FBXL7: variants seen among roughly 807,000 people sequenced by gnomAD.
FBXL7 encodes F-box and leucine rich repeat protein 7.
In FBXL7, 12 loss-of-function variants were observed where a neutral mutation model predicts 38.3. The ratio of observed to expected loss-of-function variants is 0.31; its 90% CI spans 0.20 to 0.51. The LOEUF (loss-of-function observed/expected upper bound fraction) is 0.51, where lower values mean the gene tolerates loss of function less well. Ranked by LOEUF, FBXL7 falls within the 20% of genes least tolerant of loss-of-function variation. The pLI is 0.98. For synonymous variants in FBXL7, 297 were observed against 300.9 expected, an observed-to-expected ratio of 0.99 and a Z score of 0.13; for missense variants, 567 against 676.4, an observed-to-expected ratio of 0.84 and a Z score of 1.79.
intron 2 of FBXL7, among the ~76,000 whole-genome samples, chr5:15,859,744 G>A (rs1442282333): frequency 1.3e-5 from 2 of 152,030 alleles, no homozygotes; most frequent in African/African-American, 2.4e-5. Context: ...TAGGGATTAC[G>A]GGAACAACAG....
chr5:15,850,750 T>G (rs1185401670), intron 2 of FBXL7, among the ~76,000 whole-genome samples: 4 of 152,220 alleles, frequency 2.6e-5, no homozygotes, highest in Non-Finnish European at 4.4e-5. Flanking sequence ...ACTTGAAATC[T>G]GAATGTCACT....
intron 1 of FBXL7, among the ~76,000 whole-genome samples, chr5:15,604,918 A>T (rs148363959): frequency 0.01 from 1,578 of 152,140 alleles, 35 homozygotes; most frequent in African/African-American, 0.036. Flanking sequence ...GCTGTTGAAG[A>T]GGGGCGCTTT....
At chr5:15,578,516 CA>C (rs1177968876) in intron 1 of FBXL7, among the ~76,000 whole-genome samples, 1 of 152,136 alleles carries the variant, frequency 6.6e-6, no homozygotes, top group Non-Finnish European at 1.5e-5. Context: ...AGTCTCAACA[CA>C]CTAACCCATA....
intron 2 of FBXL7, among the ~76,000 whole-genome samples, chr5:15,775,837 T>C (rs1736843965): frequency 6.6e-6 from 1 of 152,184 alleles, no homozygotes; most frequent in Non-Finnish European, 1.5e-5. Flanking sequence ...ATCCTGATTA[T>C]TCTCCTGCAC....
intron 2 of FBXL7, among the ~76,000 whole-genome samples, chr5:15,778,901 G>A (rs985232520): frequency 6.6e-6 from 1 of 152,106 alleles, no homozygotes; most frequent in Non-Finnish European, 1.5e-5. Context: ...TAATAGCAGA[G>A]CACCTTCTCT....
intron 2 of FBXL7, among the ~76,000 whole-genome samples, chr5:15,697,739 T>C (rs1193419556): frequency 1.3e-5 from 2 of 152,214 alleles, no homozygotes; most frequent in Non-Finnish European, 2.9e-5. Flanking sequence ...AAAATTTGTC[T>C]GAAAAGCAAA....
chr5:15,747,170 A>C (rs1736037977), intron 2 of FBXL7, among the ~76,000 whole-genome samples: 1 of 152,222 alleles, frequency 6.6e-6, no homozygotes, highest in South Asian at 2.1e-4. Context: ...AAGATGTTTC[A>C]AGAAAAACGA....
At chr5:15,561,664 A>T (rs1738419400) in intron 1 of FBXL7, among the ~76,000 whole-genome samples, 4 of 151,936 alleles carry the variant, frequency 2.6e-5, no homozygotes, top group Admixed American at 1.3e-4. Context: ...GGCTGCACCA[A>T]TCTGTATTCC....
chr5:15,668,444 CA>C (rs1742357097), intron 2 of FBXL7, among the ~76,000 whole-genome samples: 2 of 149,902 alleles, frequency 1.3e-5, no homozygotes, highest in Admixed American at 1.3e-4. Context: ...ATAAAGAATA[CA>C]TTTCCTAGAA....
chr5:15,933,876 C>G (rs150234693), intron 3 of FBXL7, among the ~76,000 whole-genome samples: 2 of 151,672 alleles, frequency 1.3e-5, no homozygotes, highest in Non-Finnish European at 1.5e-5. Flanking sequence ...TAGAACTGCC[C>G]GAGAGATTTG....
At chr5:15,563,552 G>C (rs571843845) in intron 1 of FBXL7, among the ~76,000 whole-genome samples, 2 of 152,148 alleles carry the variant, frequency 1.3e-5, no homozygotes, top group Non-Finnish European at 1.5e-5. Flanking sequence ...TCTCCTGTTT[G>C]AAACAATCCT....
At position 15,928,652 on chromosome 5, in the gene FBXL7, C is replaced by T. The variant is rs1399567918; in HGVS notation, c.739+151C>T. Among the ~76,000 whole-genome samples the T allele has an allele frequency of 6.6e-6, 1 of 152,094 alleles. No individual in the cohort carries two copies. Among genetic ancestry groups the T allele is most frequent in the Non-Finnish European group, 1.5e-5 (1 of 68,026 alleles). ...AGGCTGGCTTTTGCAGAGAAACTGT[C>T]TCTATGGAATCATGACCCTGGAGGC... On this transcript the variant is annotated intron_variant, in intron 3 of 3. Coordinates refer to ENST00000504595, the MANE Select transcript of FBXL7 (RefSeq NM_012304.5). The surrounding 1 kb of genome is among the most constrained non-coding windows in gnomAD (Gnocchi z 4.0).
At chr5:15,838,906 A>C (rs1436663887) in intron 2 of FBXL7, among the ~76,000 whole-genome samples, 5 of 152,162 alleles carry the variant, frequency 3.3e-5, no homozygotes, top group Non-Finnish European at 5.9e-5. Flanking sequence ...TTTTGCCCTA[A>C]ATTCTAAGTA....
chr5:15,702,100 T>A (rs1287435844), intron 2 of FBXL7, among the ~76,000 whole-genome samples: 1 of 151,542 alleles, frequency 6.6e-6, no homozygotes, highest in Non-Finnish European at 1.5e-5. Flanking sequence ...TAGCCAGGAG[T>A]GCTGGCCGGT....
intron 2 of FBXL7, among the ~76,000 whole-genome samples, chr5:15,736,975 A>G (rs1241510191): frequency 1.3e-5 from 2 of 152,138 alleles, no homozygotes; most frequent in Non-Finnish European, 2.9e-5. Context: ...TGGGCTAACT[A>G]TAACACCTAT....
At chr5:15,763,707 C>CA (rs1374265778) in intron 2 of FBXL7, among the ~76,000 whole-genome samples, 1 of 152,076 alleles carries the variant, frequency 6.6e-6, no homozygotes, top group Non-Finnish European at 1.5e-5. Flanking sequence ...GAGTTGAAAA[C>CA]AAAATGCGTG....
intron 2 of FBXL7, among the ~76,000 whole-genome samples, chr5:15,871,072 A>G (rs1739936712): frequency 6.6e-6 from 1 of 152,232 alleles, no homozygotes; most frequent in Non-Finnish European, 1.5e-5. Context: ...TCTTGCTGGC[A>G]TCTGGCAGGT....
At chr5:15,687,806 TA>T (rs1195240470) in intron 2 of FBXL7, among the ~76,000 whole-genome samples, 1 of 152,228 alleles carries the variant, frequency 6.6e-6, no homozygotes, top group African/African-American at 2.4e-5. Context: ...CGTGTCTATG[TA>T]AATAGGTATT....
At chr5:15,517,572 G>C (rs1455053597) in intron 1 of FBXL7, among the ~76,000 whole-genome samples, 1 of 152,182 alleles carries the variant, frequency 6.6e-6, no homozygotes, top group Non-Finnish European at 1.5e-5. Flanking sequence ...TGTGAGCTGA[G>C]CGTCACACCT....
Sources: allele counts gnomAD v4.1 joint callset (sites outside exome capture counted in the v4.1 genomes callset), GRCh38; gene constraint gnomAD v4.1.1; non-coding constraint Gnocchi (gnomAD v3.1); transcripts MANE v1.5; gene names NCBI Gene and HGNC (gene_info 2026-07-23, HGNC 2026-07-21).